Variants in RPS6KL1 observed in about 807,000 individuals in gnomAD.
The protein encoded by RPS6KL1 is ribosomal protein S6 kinase-like 1.
RPS6KL1 carries 41 observed loss-of-function variants against 57.0 expected under a neutral mutation model. That is an observed-to-expected ratio of 0.72 (90% confidence interval 0.56 to 0.93). The LOEUF is 0.93. Ranked by LOEUF, RPS6KL1 falls within the 40% of genes least tolerant of loss-of-function variation. The probability of loss-of-function intolerance (pLI) is 0.00; values close to 1 mark genes in which losing one functional copy is unlikely to be tolerated. For missense variants in RPS6KL1, 697 were observed against 727.7 expected, an observed-to-expected ratio of 0.96 and a Z score of 0.49; for synonymous variants, 287 against 309.7, an observed-to-expected ratio of 0.93 and a Z score of 0.77.
At chr14:74,921,854 T>C (rs1887914467) in intron 2 of RPS6KL1, 124 bp downstream of exon 2, 1 of 602,542 alleles carries the variant, frequency 1.7e-6, no homozygotes, top group Non-Finnish European at 2.3e-6. Context: ...CTCGGCTCAC[T>C]GCAACCTCCA....
Position 74,922,348 on chromosome 14 carries a change from G to T in RPS6KL1, c.-391C>A. The T allele has an allele frequency of 1.0e-6, 1 of 986,024 alleles. No individual in the cohort carries two copies. The highest frequency in any genetic ancestry group is 1.7e-5 in the African/African-American group (1 of 57,348). The allele number at this position is 986,024 out of a possible 1,614,324, so 61.1% of individuals were successfully genotyped here. A position where few individuals can be genotyped will look rare whatever the true frequency, so the allele number is the denominator to read the frequency against. ...TGTGGGAATCTCATTTACCCTTTGGGGTTTAGCACTTCTCCGTGGACCGGA... is the reference window on the plus strand; with the variant it reads ...TGTGGGAATCTCATTTACCCTTTGGTGTTTAGCACTTCTCCGTGGACCGGA... On this transcript the variant is annotated 5_prime_UTR_variant, in exon 2 of 12. Coordinates refer to ENST00000557413, the MANE Select transcript of RPS6KL1 (RefSeq NM_031464.5).
intron 10 of RPS6KL1, 75 bp from the exon 11 acceptor site, chr14:74,907,605 T>A: frequency 7.1e-7 from 1 of 1,403,106 alleles, no homozygotes; most frequent in South Asian, 1.4e-5. Flanking sequence ...GCCAGGATTT[T>A]TTTTCCCCAT....
chr14:74,920,078 A>C, intron 3 of RPS6KL1, 109 bp from the exon 4 acceptor site: 2 of 1,428,874 alleles, frequency 1.4e-6, no homozygotes, highest in Non-Finnish European at 9.7e-7. Context: ...TCCTGTTTCT[A>C]AGGCTGGTTC....
At chr14:74,920,637 G>A (rs554746376) in intron 3 of RPS6KL1, among the ~76,000 whole-genome samples, 4 of 152,342 alleles carry the variant, frequency 2.6e-5, no homozygotes, top group South Asian at 2.1e-4. Flanking sequence ...GCTGGATAAC[G>A]CACCTACCAT....
At chr14:74,909,519 C>A in intron 8 of RPS6KL1, 24 bp downstream of exon 8, 2 of 1,565,854 alleles carry the variant, frequency 1.3e-6, no homozygotes, top group Non-Finnish European at 1.7e-6. Flanking sequence ...GGCCACCCCA[C>A]TGAGGGGTGA....
Position 74,908,348 on chromosome 14 carries a change from A to C in RPS6KL1, c.1443+502T>G, listed in dbSNP as rs544883165. ...TCCCAAGAGTGCCTGCTCTGATTGC[A>C]ACCTGCAAACACAGGTTCCCGGAGT... On this transcript the variant is annotated intron_variant, in intron 10 of 11. Coordinates refer to ENST00000557413, the MANE Select transcript of RPS6KL1 (RefSeq NM_031464.5). Among the ~76,000 whole-genome samples the C allele has an allele frequency of 2.0e-5, 3 of 152,274 alleles. No homozygotes were observed. The East Asian group carries it at 5.8e-4, about 29-fold the overall frequency.
At position 74,919,916 on chromosome 14, in the gene RPS6KL1, GGT is replaced by G; in HGVS notation, c.317_318del (p.Tyr106SerfsTer176). ...REAVKLKITK[Y>X]LRRAEEIFNC... The stretch of plus-strand genomic sequence containing the variant: ...TTGAAGATCTCCTCTGCCCGCCGCA[GGT>G]ATTTGGTAATTTTCAGCTTCACAGC... On this transcript the variant is annotated frameshift_variant, in exon 4 of 12. Coordinates refer to ENST00000557413, the MANE Select transcript of RPS6KL1 (RefSeq NM_031464.5). LOFTEE classifies it high-confidence loss of function. 1 of 1,614,142 alleles carries G rather than the reference GGT, an allele frequency of 6.2e-7. No individual in the cohort carries two copies. Among genetic ancestry groups the G allele is most frequent in the South Asian group, 1.1e-5 (1 of 91,082 alleles).
intron 5 of RPS6KL1, among the ~76,000 whole-genome samples, chr14:74,913,026 T>A (rs1018532739): frequency 6.6e-6 from 1 of 152,236 alleles, no homozygotes; most frequent in Non-Finnish European, 1.5e-5. Context: ...TCCTTGGCTG[T>A]TGGCCTGCCC....
At chr14:74,911,414 A>G in intron 6 of RPS6KL1, 34 bp from the exon 7 acceptor site, 1 of 1,591,332 alleles carries the variant, frequency 6.3e-7, no homozygotes. Flanking sequence ...TCAGCCGGGG[A>G]CAGGCCAGAG....
chr14:74,911,218 G>T, intron 7 of RPS6KL1, 30 bp downstream of exon 7: 1 of 1,606,284 alleles, frequency 6.2e-7, no homozygotes, highest in Non-Finnish European at 8.5e-7. Context: ...AAGGCCTGGG[G>T]AGCTGACAGG....
chr14:74,913,446 A>C (rs1886351771), intron 5 of RPS6KL1, among the ~76,000 whole-genome samples: 1 of 152,214 alleles, frequency 6.6e-6, no homozygotes, highest in African/African-American at 2.4e-5. Context: ...AATCCCAGCT[A>C]CCTGGGAAGC....
intron 8 of RPS6KL1, 97 bp downstream of exon 8, chr14:74,909,446 C>G: frequency 6.9e-7 from 1 of 1,454,474 alleles, no homozygotes; most frequent in Non-Finnish European, 9.2e-7. Context: ...CAGGGAGGAG[C>G]AGACAACCTT....
intron 8 of RPS6KL1, 126 bp downstream of exon 8, chr14:74,909,417 C>A (rs1320624369): frequency 1.5e-6 from 2 of 1,320,236 alleles, no homozygotes; most frequent in African/African-American, 2.9e-5. Flanking sequence ...CCTAGGCCCC[C>A]TGAAAGGCTG....
intron 7 of RPS6KL1, chr14:74,910,721 C>CCCA (rs1885792251): frequency 6.3e-6 from 1 of 158,426 alleles, no homozygotes; most frequent in Non-Finnish European, 1.4e-5. Flanking sequence ...CTCACGCCCA[C>CCCA]CCACGATGTG....
intron 7 of RPS6KL1, 133 bp downstream of exon 7, chr14:74,911,115 G>A (rs756930453): frequency 2.1e-5 from 17 of 814,608 alleles, no homozygotes; most frequent in South Asian, 4.1e-5. Context: ...CAGTTGATCC[G>A]CCTGCCTCGG....
In RPS6KL1 at chr14:74,919,965, G is replaced by A. The variant is rs757765778; in HGVS notation, c.270C>T (p.Asp90=). 1.9e-6 allele frequency: 3 copies of A among 1,614,134 alleles called. No homozygotes were observed. Among genetic ancestry groups the A allele is most frequent in the Non-Finnish European group, 2.5e-6 (3 of 1,180,010 alleles). Residue 90 remains aspartate (D), a synonymous_variant, in exon 4 of 12, where the codon GAC becomes GAT. Transcript: ENST00000557413. The part of the protein sequence containing the change: ...VDVLLRGIHV[D]PNKERREAVK... ...CAGCCTCACGTCGCTCCTTGTTGGG[G>A]TCAACTGTGGGAGACAAGAGTCACC...
intron 10 of RPS6KL1, among the ~76,000 whole-genome samples, chr14:74,908,530 A>G (rs550561563): frequency 1.3e-5 from 2 of 152,248 alleles, no homozygotes; most frequent in Admixed American, 1.3e-4. Context: ...CGGGCTCAGG[A>G]TGATTGAACA....
chr14:74,906,923 C>CTGATTGAT lies in RPS6KL1; in HGVS notation c.*90_*91insATCAATCA. 2 of 1,010,254 alleles carry CTGATTGAT rather than the reference C, an allele frequency of 2.0e-6. No individual in the cohort carries two copies. Among genetic ancestry groups the CTGATTGAT allele is most frequent in the Non-Finnish European group, 3.1e-6 (2 of 636,400 alleles). 62.6% of individuals were successfully genotyped at this position (1,010,254 alleles called of 1,614,324 possible). On this transcript the variant is annotated 3_prime_UTR_variant, in exon 12 of 12. Coordinates refer to ENST00000557413, the MANE Select transcript of RPS6KL1 (RefSeq NM_031464.5). ...CCCTCCATTCCTCGCCCAAAGCCCG[C>CTGATTGAT]TGATAGAGGGCCAGCCCTGGGTTGG... is the stretch of plus-strand genomic sequence containing the variant.
rs1887217579 is a variant in RPS6KL1, at chr14:74,918,391, C to T, written c.483+122G>A. On this transcript the variant is annotated intron_variant, in intron 5 of 11. Coordinates refer to ENST00000557413, the MANE Select transcript of RPS6KL1 (RefSeq NM_031464.5). ...CTCCCCACTGACCCCTGCCCACCTCCTCTGGAGGAGTGGGGGCCACTGCTA... is the reference window on the plus strand; with the variant it reads ...CTCCCCACTGACCCCTGCCCACCTCTTCTGGAGGAGTGGGGGCCACTGCTA... 3 of 680,472 alleles carry T rather than the reference C, an allele frequency of 4.4e-6. No homozygotes were observed. In the South Asian group the frequency reaches 6.2e-5, roughly 14 times the overall value. The allele number at this position is 680,472 out of a possible 1,614,324, so 42.2% of individuals were successfully genotyped here. A position where few individuals can be genotyped will look rare whatever the true frequency, so the allele number is the denominator to read the frequency against.
Sources: gnomAD v4.1 joint callset for allele counts (sites outside exome capture counted in the v4.1 genomes callset) on GRCh38, gnomAD v4.1.1 for gene constraint, MANE v1.5 for transcripts, NCBI Gene and HGNC (gene_info 2026-07-23, HGNC 2026-07-21) for gene names.